MYO16: variants seen among roughly 807,000 people sequenced by gnomAD.
The protein encoded by MYO16 is myosin XVI.
MYO16 carries 94 observed loss-of-function variants against 205.3 expected under a neutral mutation model. The observed-to-expected ratio is 0.46, with a 90% CI of 0.39 to 0.54. The LOEUF is 0.54. MYO16 is among the 20% of genes least tolerant of loss of function. The pLI is 0.00. For synonymous variants in MYO16, 988 were observed against 954.0 expected (o/e 1.04, Z -0.66); for missense variants, 2,315 against 2,387.5 (o/e 0.97, Z 0.63).
At chr13:108,579,182 T>G in the MYO16 span, among the ~76,000 whole-genome samples, 1 of 152,150 alleles carries the variant, frequency 6.6e-6, no homozygotes, top group Non-Finnish European at 1.5e-5. Flanking sequence ...GTGTAGTTAT[T>G]TGCAGTTACG....
chr13:108,814,332 T>G (rs1314773483), intron 7 of MYO16, among the ~76,000 whole-genome samples: 1 of 152,086 alleles, frequency 6.6e-6, no homozygotes, highest in Non-Finnish European at 1.5e-5. Context: ...TTTTTGACTT[T>G]CATTGTTTTT....
intron 32 of MYO16, among the ~76,000 whole-genome samples, chr13:109,152,670 T>C (rs987057410): frequency 6.6e-6 from 1 of 152,228 alleles, no homozygotes; most frequent in Admixed American, 6.5e-5. Flanking sequence ...TGAGCATGTC[T>C]TCGGAACCCT....
In MYO16 at chr13:109,187,702, A is replaced by G. The variant is rs1344089079; in HGVS notation, c.5415+8069A>G. ...TGCTGAATTCTAGTTTAATTCCCCT[A>G]TGATCTGAGGGTATGCCTTGTATGA... is the stretch of plus-strand genomic sequence containing the variant. On this transcript the variant is annotated intron_variant, in intron 34 of 34. Coordinates refer to ENST00000457511, the MANE Select transcript of MYO16 (RefSeq NM_001198950.3). 3.9e-5 allele frequency among the ~76,000 whole-genome samples: 6 copies of G among 152,170 alleles called. No homozygotes were observed. The South Asian group carries it at 1.0e-3, about 26-fold the overall frequency.
chr13:108,659,988 G>C (rs1881431361), intron 1 of MYO16, among the ~76,000 whole-genome samples: 1 of 152,122 alleles, frequency 6.6e-6, no homozygotes, highest in Non-Finnish European at 1.5e-5. Context: ...TGCAGTCCCA[G>C]CTACTTGGGA....
upstream of MYO16, among the ~76,000 whole-genome samples, chr13:108,624,734 T>G (rs938726739): frequency 6.6e-6 from 1 of 151,660 alleles, no homozygotes; most frequent in Non-Finnish European, 1.5e-5. Context: ...CCAAAGGAAG[T>G]GGGTGGCCAA....
intron 1 of MYO16, among the ~76,000 whole-genome samples, chr13:108,601,067 C>T (rs1878745393): frequency 6.6e-6 from 1 of 151,928 alleles, no homozygotes; most frequent in African/African-American, 2.4e-5. Flanking sequence ...GTGTTTTGAC[C>T]CATATAAAAG....
At chr13:109,165,987 A>G (rs543056661) in intron 33 of MYO16, among the ~76,000 whole-genome samples, 4 of 152,206 alleles carry the variant, frequency 2.6e-5, no homozygotes, top group African/African-American at 9.6e-5. Flanking sequence ...ACACGTGTAC[A>G]TTTTCCCCAA....
At chr13:109,104,080 A>G (rs942918565) in intron 28 of MYO16, among the ~76,000 whole-genome samples, 1 of 152,196 alleles carries the variant, frequency 6.6e-6, no homozygotes, top group Non-Finnish European at 1.5e-5. Flanking sequence ...ATTAGAGATC[A>G]GTGTACTGAT....
At chr13:108,911,673 GT>G (rs960725127) in intron 16 of MYO16, among the ~76,000 whole-genome samples, 2 of 152,180 alleles carry the variant, frequency 1.3e-5, no homozygotes, top group Admixed American at 6.5e-5. Context: ...AAGAGAATTG[GT>G]TTTCACTTCG....
At chr13:108,557,008 G>A in the MYO16 span, among the ~76,000 whole-genome samples, 2 of 151,950 alleles carry the variant, frequency 1.3e-5, no homozygotes, top group Non-Finnish European at 2.9e-5. Context: ...TTTTTATGCT[G>A]GTACCGTGGT....
chr13:109,140,502 C>G lies in MYO16; in HGVS notation c.4290C>G (p.Ser1430Arg), dbSNP rs1357303173. Reference sequence around the variant, plus strand: ...CGCCTCCGGGTGACGAGGACGACAGCGAGCCTGTGTACATCGAGATGCTGG... The same window carrying G: ...CGCCTCCGGGTGACGAGGACGACAGGGAGCCTGTGTACATCGAGATGCTGG... ...PAAPPGDEDD[S>R]EPVYIEMLGH... is the part of the protein sequence containing the mutation. The change falls in exon 32 of 35, where the codon AGC becomes AGG. Residue 1430 changes from serine to arginine, a missense_variant. Ser to Arg is a moderately radical substitution (Grantham distance 110). This residue lies in a region of MYO16 where 1,097 missense variants were observed against 1,092.0 expected (regional missense o/e 1.00). Transcript: ENST00000457511. The surrounding 1 kb of genome is among the most constrained non-coding windows in gnomAD (Gnocchi z 8.0). The G allele has an allele frequency of 1.7e-5, 26 of 1,548,590 alleles. No individual in the cohort carries two copies. Among genetic ancestry groups the G allele is most frequent in the Non-Finnish European group, 2.1e-5 (24 of 1,155,966 alleles).
intron 9 of MYO16, among the ~76,000 whole-genome samples, chr13:108,834,645 C>G (rs1235365402): frequency 1.2e-5 from 1 of 81,654 alleles, no homozygotes; most frequent in East Asian, 2.2e-4. Context: ...TGTACTCTCT[C>G]TCTCTCTCTC....
chr13:108,736,009 A>C (rs1008626513), intron 4 of MYO16, among the ~76,000 whole-genome samples: 1 of 151,698 alleles, frequency 6.6e-6, no homozygotes, highest in Non-Finnish European at 1.5e-5. Context: ...TTTTCTTGTA[A>C]ATTTGTTTGA....
intron 2 of MYO16, among the ~76,000 whole-genome samples, chr13:108,690,695 G>A (rs1882862885): frequency 6.6e-6 from 1 of 152,112 alleles, no homozygotes; most frequent in East Asian, 1.9e-4. Flanking sequence ...ATAAACATCA[G>A]TGTGGCCAAA....
chr13:108,988,428 A>G (rs1884712038), intron 20 of MYO16, among the ~76,000 whole-genome samples: 2 of 151,878 alleles, frequency 1.3e-5, no homozygotes, highest in Non-Finnish European at 1.5e-5. Context: ...TTCTCCTGAC[A>G]ATGGAATTTT....
At chr13:108,712,123 T>C (rs1321677029) in intron 2 of MYO16, among the ~76,000 whole-genome samples, 1 of 152,190 alleles carries the variant, frequency 6.6e-6, no homozygotes, top group African/African-American at 2.4e-5. Flanking sequence ...TGGTATATAG[T>C]TTGATGTATT....
intron 7 of MYO16, among the ~76,000 whole-genome samples, chr13:108,813,233 C>T (rs1229062230): frequency 1.3e-5 from 2 of 152,082 alleles, no homozygotes; most frequent in African/African-American, 2.4e-5. Context: ...AATAAGAAAT[C>T]ATAGTTGAAT....
At chr13:108,734,828 T>C (rs1272575838) in intron 4 of MYO16, among the ~76,000 whole-genome samples, 1 of 152,232 alleles carries the variant, frequency 6.6e-6, no homozygotes, top group Non-Finnish European at 1.5e-5. Flanking sequence ...CCTCTTGCTC[T>C]TCACTTCATT....
intron 1 of MYO16, among the ~76,000 whole-genome samples, chr13:108,660,376 T>C (rs1219538014): frequency 6.6e-6 from 1 of 152,202 alleles, no homozygotes; most frequent in East Asian, 1.9e-4. Flanking sequence ...CAATGGAGTA[T>C]TGGAGTCCCC....
Sources: gnomAD v4.1 joint callset for allele counts (sites outside exome capture counted in the v4.1 genomes callset) on GRCh38, gnomAD v4.1.1 for gene constraint, gnomAD v4.1.1 regional missense constraint, Gnocchi (gnomAD v3.1) non-coding constraint, MANE v1.5 for transcripts, NCBI Gene and HGNC (gene_info 2026-07-23, HGNC 2026-07-21) for gene names.